The following RYR1 variants were observed in gnomAD, a reference collection of about 807,000 sequenced individuals.
The protein encoded by RYR1 is central core disease of muscle.
Under a neutral mutation model 583.5 loss-of-function variants are expected in RYR1, and 342 were observed. That is an observed-to-expected ratio of 0.59 (90% CI 0.54 to 0.64). RYR1 has a LOEUF of 0.64. RYR1 is among the 30% of genes least tolerant of loss of function. RYR1 has a pLI of 0.00. For synonymous variants in RYR1, 2,791 were observed against 2,822.5 expected, an observed-to-expected ratio of 0.99 and a Z score of 0.35; for missense variants, 6,032 against 6,917.2, an observed-to-expected ratio of 0.87 and a Z score of 4.54.
intron 67 of RYR1, among the ~76,000 whole-genome samples, chr19:38,522,546 G>C (rs984377639): frequency 6.6e-6 from 1 of 151,892 alleles, no homozygotes; most frequent in Non-Finnish European, 1.5e-5. Context: ...CTGGGAGGTT[G>C]AGGTTGCAGT....
Position 38,469,196 on chromosome 19 carries a change from C to T in RYR1, c.3556+56C>T. 4.3e-6 allele frequency: 7 copies of T among 1,609,504 alleles called. No homozygotes were observed. In the South Asian group the frequency reaches 5.5e-5, roughly 13 times the overall value. ...TCTTGTTTTCCTCTGTCTCTCCCAA[C>T]CCTGCACTGCCCTTCTGCCTCCAAC... On this transcript the variant is annotated intron_variant, in intron 26 of 105. Coordinates refer to ENST00000359596, the MANE Select transcript of RYR1 (RefSeq NM_000540.3).
intron 96 of RYR1, among the ~76,000 whole-genome samples, chr19:38,573,693 CAA>C (rs75549330): frequency 1.5e-5 from 2 of 129,748 alleles, no homozygotes; most frequent in Non-Finnish European, 3.4e-5. Context: ...TCCCCCCAGA[CAA>C]AAAAAAAAAA....
At chr19:38,504,961 G>A (rs1600845318) in intron 51 of RYR1, 42 bp from the exon 52 acceptor site, 1 of 1,613,476 alleles carries the variant, frequency 6.2e-7, no homozygotes, top group Middle Eastern at 1.7e-4. Flanking sequence ...GGGGTGGAGG[G>A]AACCCCAGCT....
Position 38,446,440 on chromosome 19 carries a change from C to T in RYR1, c.632-32C>T, listed in dbSNP as rs374483892. On this transcript the variant is annotated intron_variant, in intron 7 of 105. Coordinates refer to ENST00000359596, the MANE Select transcript of RYR1 (RefSeq NM_000540.3). ...CCTGGTCTTCCTGGGGCTCCAGCCT[C>T]CCATTGACCAACTTCCCTTGCTCCT... The T allele has an allele frequency of 9.1e-5, 141 of 1,545,062 alleles. No homozygotes were observed. In the South Asian group the frequency reaches 1.5e-3, roughly 16 times the overall value.
intron 11 of RYR1, among the ~76,000 whole-genome samples, chr19:38,449,182 G>A (rs1385665128): frequency 3.9e-5 from 6 of 152,172 alleles, no homozygotes; most frequent in South Asian, 4.2e-4. Flanking sequence ...AGACACGGCC[G>A]GGCGTGGTGG....
In RYR1 at chr19:38,523,904, C is replaced by T. The variant is rs761329807; in HGVS notation, c.10441-11C>T. ...ACCCTTCTTGTCTCTGTCTGCGGTC[C>T]GGTGAAGCAGGCGGGAGATATACAG... On this transcript the variant is annotated splice_polypyrimidine_tract_variant and intron_variant, in intron 69 of 105. Transcript: ENST00000359596. 23 of 1,613,998 alleles carry T rather than the reference C, an allele frequency of 1.4e-5. No individual in the cohort carries two copies. Among genetic ancestry groups the T allele is most frequent in the Non-Finnish European group, 1.8e-5 (21 of 1,179,992 alleles).
At chr19:38,523,491 T>A (rs1044534571) in intron 69 of RYR1, 182 bp downstream of exon 69, 1 of 663,606 alleles carries the variant, frequency 1.5e-6, no homozygotes, top group African/African-American at 1.8e-5. Context: ...TCCTCCTGTA[T>A]CTTCTCCCTC....
chr19:38,579,711 A>AT (rs1974113773), intron 99 of RYR1, among the ~76,000 whole-genome samples: 1 of 151,874 alleles, frequency 6.6e-6, no homozygotes, highest in Non-Finnish European at 1.5e-5. Flanking sequence ...AGCACTGGGG[A>AT]TACAGGCATG....
At chr19:38,442,068 C>T (rs780699592) in intron 2 of RYR1, among the ~76,000 whole-genome samples, 3 of 150,854 alleles carry the variant, frequency 2.0e-5, no homozygotes, top group Admixed American at 6.6e-5. Flanking sequence ...AGGTGGAACA[C>T]GGGTTAGTGG....
Position 38,458,555 on chromosome 19 carries a change from A to G in RYR1, c.2167+263A>G, listed in dbSNP as rs948901229. Among the ~76,000 whole-genome samples the G allele has an allele frequency of 2.0e-5, 3 of 152,102 alleles. No individual in the cohort carries two copies. In the East Asian group the frequency reaches 5.8e-4, roughly 29 times the overall value. ...GATATCCCAGAAGACCACGCAGATT[A>G]CTGTGATCTCTGATCTTTGACTTCT... On this transcript the variant is annotated intron_variant, in intron 18 of 105. Coordinates refer to ENST00000359596, the MANE Select transcript of RYR1 (RefSeq NM_000540.3).
rs1967674318 is a variant in RYR1 at position 38,460,511 on chromosome 19, C to A, written c.2497C>A (p.Pro833Thr). 4 of 1,614,148 alleles carry A rather than the reference C, an allele frequency of 2.5e-6. No individual in the cohort carries two copies. The South Asian group carries it at 3.3e-5, about 13-fold the overall frequency. The change falls in exon 20 of 106, where the codon CCC (proline) becomes ACC (threonine). Residue 833 changes from proline to threonine, a missense_variant. Transcript: ENST00000359596. The stretch of plus-strand genomic sequence containing the variant: ...CATCAAGGAGTATCGACGGGAGGGG[C>A]CCCGGGGGCCTCACCTGGTGGGCCC... ...EPIKEYRREGPRGPHLVGPSR... is the reference protein window; with the variant it reads ...EPIKEYRREGTRGPHLVGPSR...
At chr19:38,532,428 G>A (rs1324374157) in intron 76 of RYR1, 62 bp from the exon 77 acceptor site, 1 of 1,557,978 alleles carries the variant, frequency 6.4e-7, no homozygotes, top group Non-Finnish European at 8.9e-7. Context: ...CTGCCCAGAA[G>A]CTCTTATAAG....
Position 38,565,718 on chromosome 19 carries a change from C to G in RYR1, c.13384C>G (p.Pro4462Ala). The change falls in exon 91 of 106, where the codon CCT becomes GCT. Residue 4462 changes from proline to alanine, a missense_variant. By Grantham distance (27) the Pro-to-Ala change is conservative (BLOSUM62 -1). Transcript: ENST00000359596. The surrounding 1 kb of genome is among the most constrained non-coding windows in gnomAD (Gnocchi z 4.7). ...TCTCGGGGACATGGGGGACACGACG[C>G]CTGCGGAACCGCCCACACCCGAGGG... Reference protein sequence around the residue: ...GGLGDMGDTTPAEPPTPEGSP... With the variant: ...GGLGDMGDTTAAEPPTPEGSP... 7.0e-7 allele frequency: 1 copy of G among 1,428,718 alleles called. No individual in the cohort carries two copies. Among genetic ancestry groups the G allele is most frequent in the Non-Finnish European group, 9.1e-7 (1 of 1,099,426 alleles). 88.5% of individuals were successfully genotyped at this position (1,428,718 alleles called of 1,614,324 possible).
chr19:38,494,277 A>T (rs902586332), intron 38 of RYR1, 75 bp from the exon 39 acceptor site: 39 of 1,592,044 alleles, frequency 2.4e-5, no homozygotes, highest in Non-Finnish European at 3.2e-5. Context: ...CCCCTTCCAC[A>T]TTGTTCTGGT....
chr19:38,503,038 T>G (rs1600838676), intron 49 of RYR1, 68 bp downstream of exon 49: 1 of 1,490,996 alleles, frequency 6.7e-7, no homozygotes, highest in East Asian at 2.3e-5. Flanking sequence ...TCCCTCCTAC[T>G]GCGGGGCTCA....
At chr19:38,438,346 CCTGT>C (rs1972514961) in intron 1 of RYR1, among the ~76,000 whole-genome samples, 1 of 151,500 alleles carries the variant, frequency 6.6e-6, no homozygotes, top group South Asian at 2.1e-4. Flanking sequence ...CTGTTTATTC[CCTGT>C]CTCCACCATG....
chr19:38,539,845 A>G (rs889313425), intron 84 of RYR1, among the ~76,000 whole-genome samples: 19 of 152,332 alleles, frequency 1.2e-4, no homozygotes, highest in African/African-American at 4.3e-4. Flanking sequence ...GTCAGTTGCC[A>G]GAATTTTTTT....
At chr19:38,570,478 A>G (rs1290257643) in intron 93 of RYR1, 129 bp from the exon 94 acceptor site, 6 of 483,944 alleles carry the variant, frequency 1.2e-5, no homozygotes, top group African/African-American at 1.2e-4. Context: ...ATAATTAATA[A>G]ATAAATAGGA....
chr19:38,457,907 A>G, intron 17 of RYR1, 144 bp from the exon 18 acceptor site: 3 of 888,242 alleles, frequency 3.4e-6, no homozygotes, highest in Non-Finnish European at 5.5e-6. Context: ...TTCTGTCTTG[A>G]TTCTTCCTCC....
Sources: allele counts gnomAD v4.1 joint callset (sites outside exome capture counted in the v4.1 genomes callset), GRCh38; gene constraint gnomAD v4.1.1; non-coding constraint Gnocchi (gnomAD v3.1); transcripts MANE v1.5; gene names NCBI Gene and HGNC (gene_info 2026-07-23, HGNC 2026-07-21).